Variants in WASF2 observed in about 807,000 individuals in gnomAD.
WASF2 encodes actin-binding protein WASF2.
In WASF2, 14 loss-of-function variants were observed where a neutral mutation model predicts 45.0. The observed-to-expected ratio is 0.31, with a 90% CI of 0.21 to 0.49. WASF2 has a LOEUF of 0.49. WASF2 is among the 20% of genes least tolerant of loss of function. The probability of loss-of-function intolerance (pLI) is 0.99; values close to 1 mark genes in which losing one functional copy is unlikely to be tolerated. For missense variants in WASF2, 439 were observed against 636.1 expected, an observed-to-expected ratio of 0.69 and a Z score of 3.33; for synonymous variants, 200 against 236.3, an observed-to-expected ratio of 0.85 and a Z score of 1.41.
chr1:27,431,056 C>A (rs2017056800), intron 1 of WASF2, among the ~76,000 whole-genome samples: 1 of 152,166 alleles, frequency 6.6e-6, no homozygotes, highest in Admixed American at 6.5e-5. Flanking sequence ...AGGAAGCCAG[C>A]AGCTTGGGGA....
chr1:27,433,696 G>A (rs2017095997), intron 1 of WASF2, among the ~76,000 whole-genome samples: 1 of 152,178 alleles, frequency 6.6e-6, no homozygotes, highest in African/African-American at 2.4e-5. Flanking sequence ...TGAGAAACTA[G>A]ACAGGTGGCA....
rs149672114 is a variant in WASF2 at position 27,416,109 on chromosome 1, T to C, written c.420-7A>G. On this transcript the variant is annotated splice_region_variant and splice_polypyrimidine_tract_variant and intron_variant, in intron 4 of 8. Coordinates refer to ENST00000618852, the MANE Select transcript of WASF2 (RefSeq NM_006990.5). ...TGCCTCTTTTCCATCGTCCCTGGGA[T>C]AGAAATGAAGACAAGTAGCTGTCAG... is the stretch of plus-strand genomic sequence containing the variant. The C allele has an allele frequency of 1.2e-6, 2 of 1,612,106 alleles. No individual in the cohort carries two copies. Among genetic ancestry groups the C allele is most frequent in the African/African-American group, 2.7e-5 (2 of 74,868 alleles).
intron 1 of WASF2, among the ~76,000 whole-genome samples, chr1:27,464,178 G>C (rs1334609555): frequency 1.3e-5 from 2 of 151,850 alleles, no homozygotes; most frequent in Non-Finnish European, 2.9e-5. Context: ...TCAGCAGTTA[G>C]AGACCAACCT....
chr1:27,422,123 A>C (rs2148107703), intron 2 of WASF2, among the ~76,000 whole-genome samples: 1 of 152,106 alleles, frequency 6.6e-6, no homozygotes, highest in East Asian at 1.9e-4. Flanking sequence ...GGATAGTGAT[A>C]GTAGAAGTAG....
chr1:27,454,175 ATATATATATATATTTTTTT>A (rs1418181544), intron 1 of WASF2, among the ~76,000 whole-genome samples: 113 of 33,948 alleles, frequency 3.3e-3, no homozygotes, highest in African/African-American at 0.013. Context: ...ATATATATAT[ATATATATATATATTTTTTT>A]TTTTTTTTTT....
chr1:27,419,116 T>C (rs1471865996), intron 2 of WASF2, 28 bp from the exon 3 acceptor site: 1 of 1,612,060 alleles, frequency 6.2e-7, no homozygotes, highest in Non-Finnish European at 8.5e-7. Flanking sequence ...ACCAAGTCAC[T>C]AGTGCATAGA....
chr1:27,418,841 T>A (rs1463161831), intron 3 of WASF2, 113 bp downstream of exon 3: 1 of 1,323,090 alleles, frequency 7.6e-7, no homozygotes, highest in Non-Finnish European at 1.0e-6. Context: ...CAGAACTCTA[T>A]AGGTCTCTGT....
At chr1:27,421,026 C>A (rs572234478) in intron 2 of WASF2, among the ~76,000 whole-genome samples, 1 of 152,324 alleles carries the variant, frequency 6.6e-6, no homozygotes, top group African/African-American at 2.4e-5. Context: ...CTCACCTTCC[C>A]AGTACAACCT....
intron 1 of WASF2, among the ~76,000 whole-genome samples, chr1:27,451,791 T>C (rs1005306408): frequency 6.6e-6 from 1 of 152,198 alleles, no homozygotes; most frequent in Non-Finnish European, 1.5e-5. Flanking sequence ...ATTACAGTAG[T>C]CACCCCTTAT....
chr1:27,489,348 T>TACAC (rs10636716), intron 1 of WASF2, among the ~76,000 whole-genome samples: 2,839 of 10,046 alleles, frequency 0.28, 1,084 homozygotes, highest in Non-Finnish European at 0.38. Context: ...TACTTCATGG[T>TACAC]ACACACACAC....
At chr1:27,426,486 C>G (rs1388319076) in intron 2 of WASF2, among the ~76,000 whole-genome samples, 1 of 150,498 alleles carries the variant, frequency 6.6e-6, no homozygotes, top group African/African-American at 2.4e-5. Flanking sequence ...CTCTTACTGG[C>G]TGTATCTCTT....
intron 1 of WASF2, among the ~76,000 whole-genome samples, chr1:27,480,561 A>G (rs978889842): frequency 1.3e-5 from 2 of 151,962 alleles, no homozygotes; most frequent in Non-Finnish European, 2.9e-5. Flanking sequence ...TAAAATAGAA[A>G]TAAACTGAGT....
chr1:27,471,417 C>A (rs1303850549), intron 1 of WASF2, among the ~76,000 whole-genome samples: 1 of 150,952 alleles, frequency 6.6e-6, no homozygotes, highest in Non-Finnish European at 1.5e-5. Context: ...CTCTGAGAAG[C>A]TGTGACGGAA....
Position 27,414,199 on chromosome 1 carries a change from C to G in WASF2, c.668+634G>C, listed in dbSNP as rs1477337117. 6.6e-6 allele frequency among the ~76,000 whole-genome samples: 1 copy of G among 152,196 alleles called. No homozygotes were observed. Among genetic ancestry groups the G allele is most frequent in the Non-Finnish European group, 1.5e-5 (1 of 68,028 alleles). On this transcript the variant is annotated intron_variant, in intron 6 of 8. Coordinates refer to ENST00000618852, the MANE Select transcript of WASF2 (RefSeq NM_006990.5). The surrounding 1 kb of genome is among the most constrained non-coding windows in gnomAD (Gnocchi z 4.1). ...ACACCAGGATAAGCATCAAACCAAG[C>G]TTTAAAACCATCTTTTTCCCCCTTT...
At chr1:27,480,747 G>A (rs2017835904) in intron 1 of WASF2, among the ~76,000 whole-genome samples, 1 of 152,124 alleles carries the variant, frequency 6.6e-6, no homozygotes, top group African/African-American at 2.4e-5. Context: ...AGGTGCGGTG[G>A]CTCACGCCTG....
intron 1 of WASF2, among the ~76,000 whole-genome samples, chr1:27,479,833 C>T (rs764762792): frequency 3.9e-5 from 6 of 152,240 alleles, no homozygotes; most frequent in Non-Finnish European, 7.3e-5. Flanking sequence ...CCACTACATT[C>T]CAGCCTGGGT....
chr1:27,416,060 T>C lies in WASF2; in HGVS notation c.462A>G (p.Ser154=). The C allele has an allele frequency of 6.2e-7, 1 of 1,614,122 alleles. No homozygotes were observed. Residue 154 remains serine (S), a synonymous_variant, in exon 5 of 9, where the codon TCA becomes TCG. Coordinates refer to ENST00000618852, the MANE Select transcript of WASF2 (RefSeq NM_006990.5). The part of the protein sequence containing the change: ...KEALKFYTDP[S]YFFDLWKEKM... ...TCTCCTTCCAAAGATCAAAGAAGTA[T>C]GAAGGGTCTGTGTAGAATTTGAGTG...
chr1:27,487,566 A>ATATATAATATATATTATATATATTT (rs1557626517), intron 1 of WASF2, among the ~76,000 whole-genome samples: 1 of 98,422 alleles, frequency 1.0e-5, no homozygotes, highest in Non-Finnish European at 1.8e-5. Flanking sequence ...ATTTTATACA[A>ATATATAATATATATTATATATATTT]TATATAATAT....
At chr1:27,454,605 T>C (rs977842060) in intron 1 of WASF2, among the ~76,000 whole-genome samples, 3 of 152,150 alleles carry the variant, frequency 2.0e-5, no homozygotes, top group Admixed American at 6.5e-5. Context: ...CCCAAAAGGC[T>C]GGGATTACAG....
Sources: allele counts gnomAD v4.1 joint callset (sites outside exome capture counted in the v4.1 genomes callset), GRCh38; gene constraint gnomAD v4.1.1; non-coding constraint Gnocchi (gnomAD v3.1); transcripts MANE v1.5; gene names NCBI Gene and HGNC (gene_info 2026-07-23, HGNC 2026-07-21).